MIR17HG: variants seen among roughly 807,000 people sequenced by gnomAD.
MIR17HG encodes miR-17-92a-1 cluster host gene, also known as MIR17 host gene (non-protein coding).
intron 3 of MIR17HG, chr13:91,351,061 T>C (rs372185742): frequency 1.9e-5 from 10 of 525,398 alleles, no homozygotes; most frequent in Non-Finnish European, 4.0e-5. Flanking sequence ...ATGTGACAGC[T>C]TCTGTAGCAC....
chr13:91,348,925 G>T (rs865872920), intron 1 of MIR17HG, among the ~76,000 whole-genome samples: 2 of 149,322 alleles, frequency 1.3e-5, no homozygotes, highest in South Asian at 2.1e-4. Flanking sequence ...GCCGGGCTCG[G>T]GGGGGCTGGG....
At chr13:91,352,168 C>T (rs1366194338) in intron 3 of MIR17HG, 3 of 152,166 alleles carry the variant, frequency 2.0e-5, no homozygotes, top group East Asian at 1.9e-4. Context: ...CTACTCCCTA[C>T]GTAAGCCAGA....
At chr13:91,352,420 A>G (rs992051993) in intron 3 of MIR17HG, 2 of 152,200 alleles carry the variant, frequency 1.3e-5, no homozygotes, top group Non-Finnish European at 2.9e-5. Context: ...TGATGTTTGA[A>G]AGATAAGTTT....
At chr13:91,349,550 C>T (rs1036112669) in intron 1 of MIR17HG, 4 of 152,076 alleles carry the variant, frequency 2.6e-5, no homozygotes, top group Non-Finnish European at 5.9e-5. Context: ...TTAAATCCTG[C>T]TAGTATTGCT....
At chr13:91,348,280 C>G (rs1875069876) in intron 1 of MIR17HG, among the ~76,000 whole-genome samples, 1 of 149,828 alleles carries the variant, frequency 6.7e-6, no homozygotes, top group African/African-American at 2.4e-5. Context: ...GGACGGCGAA[C>G]ACAATGGCCC....
At chr13:91,347,711 T>TGCCGCC (rs576468350), upstream of MIR17HG, 1 of 152,628 alleles carries the variant, frequency 6.6e-6, no homozygotes, top group Non-Finnish European at 1.5e-5. Flanking sequence ...TCCTTCGAGG[T>TGCCGCC]GCCGCCGCCG....
chr13:91,350,450 A>C (rs558140128), intron 3 of MIR17HG: 1 of 381,780 alleles, frequency 2.6e-6, no homozygotes, highest in African/African-American at 2.1e-5. Context: ...CATATCTTTG[A>C]GATAATTAAA....
rs1200989960 is a variant in MIR17HG at position 91,353,384 on chromosome 13, A to G, written n.285-549A>G. The stretch of plus-strand genomic sequence containing the variant: ...GCTTGAACTGAGATTTAAATCTAAT[A>G]AACAAGTTAATAAATGTGTATGTTT... On this transcript the variant is annotated intron_variant and non_coding_transcript_variant, in intron 3 of 3. Transcript: ENST00000400282. Among the ~76,000 whole-genome samples, 10 of 152,330 alleles carry G rather than the reference A, an allele frequency of 6.6e-5. No individual in the cohort carries two copies. In the East Asian group the frequency reaches 1.9e-3, roughly 29 times the overall value.
intron 3 of MIR17HG, chr13:91,352,406 A>G (rs1451008956): frequency 6.6e-6 from 1 of 152,200 alleles, no homozygotes; most frequent in African/African-American, 2.4e-5. Context: ...AGTACAGGCA[A>G]ACTTGATGTT....
At chr13:91,352,966 C>T (rs1002509106) in intron 3 of MIR17HG, among the ~76,000 whole-genome samples, 6 of 151,674 alleles carry the variant, frequency 4.0e-5, no homozygotes, top group South Asian at 2.1e-4. Context: ...AAAAATTAGC[C>T]GGGTGCAGTG....
intron 1 of MIR17HG, among the ~76,000 whole-genome samples, chr13:91,348,349 C>T (rs1875075542): frequency 2.0e-5 from 3 of 150,514 alleles, no homozygotes; most frequent in Admixed American, 2.0e-4. Context: ...GCGCGCGGGG[C>T]GTGGGGTCTC....
intron 3 of MIR17HG, chr13:91,350,904 A>G: frequency 1.9e-6 from 1 of 534,672 alleles, no homozygotes; most frequent in Non-Finnish European, 3.8e-6. Context: ...GTCCTCTGTT[A>G]GTTTTGCATA....
chr13:91,350,880 A>T, intron 3 of MIR17HG: 1 of 534,690 alleles, frequency 1.9e-6, no homozygotes, highest in Non-Finnish European at 3.8e-6. Context: ...GTGTTTTAAT[A>T]GTTTTTGTTT....
intron 3 of MIR17HG, chr13:91,351,346 T>A (rs1418785003): frequency 3.8e-6 from 2 of 531,188 alleles, no homozygotes; most frequent in Non-Finnish European, 7.8e-6. Flanking sequence ...GTTGCAATGC[T>A]GTGTTTCTGT....
intron 1 of MIR17HG, among the ~76,000 whole-genome samples, chr13:91,348,651 C>G (rs1875095378): frequency 6.6e-6 from 1 of 150,844 alleles, no homozygotes; most frequent in South Asian, 2.1e-4. Context: ...ACTTCCCCGC[C>G]GTGGCCCTCG....
At chr13:91,351,506 AATAC>A (rs1875313513) in intron 3 of MIR17HG, 2 of 394,862 alleles carry the variant, frequency 5.1e-6, no homozygotes, top group African/African-American at 4.2e-5. Context: ...TTTTTGTGTA[AATAC>A]ATCTTGTCTT....
At chr13:91,351,803 C>T (rs1875327974) in intron 3 of MIR17HG, 1 of 169,872 alleles carries the variant, frequency 5.9e-6, no homozygotes, top group Admixed American at 5.5e-5. Flanking sequence ...CTGTTTAAAG[C>T]AATGTGTAAA....
intron 3 of MIR17HG, among the ~76,000 whole-genome samples, chr13:91,353,089 G>A (rs1011179068): frequency 5.7e-5 from 7 of 123,310 alleles, no homozygotes; most frequent in Admixed American, 1.0e-4. Context: ...CAGCCTGGGC[G>A]CAAGACCAAG....
intron 3 of MIR17HG, chr13:91,351,897 A>G (rs1875336214): frequency 6.4e-6 from 1 of 155,084 alleles, no homozygotes; most frequent in African/African-American, 2.4e-5. Context: ...ATACATGAGT[A>G]ACTGAAGTGT....
Sources: gnomAD v4.1 joint callset for allele counts (sites outside exome capture counted in the v4.1 genomes callset) on GRCh38, gnomAD v4.1.1 for gene constraint, MANE v1.5 for transcripts, NCBI Gene and HGNC (gene_info 2026-07-23, HGNC 2026-07-21) for gene names.